The following MORF4L2 variants were observed in gnomAD, a reference collection of about 807,000 sequenced individuals.
MORF4L2 encodes mortality factor 4-like protein 2.
Under a neutral mutation model 12.0 loss-of-function variants are expected in MORF4L2, and 1 was observed. The ratio of observed to expected loss-of-function variants is 0.08; its 90% CI spans 0.03 to 0.40. The LOEUF is 0.40. Ranked by LOEUF, MORF4L2 falls within the 10% of genes least tolerant of loss-of-function variation. MORF4L2 has a pLI of 0.98. For missense variants in MORF4L2, 123 were observed against 214.0 expected, an observed-to-expected ratio of 0.57 and a Z score of 2.65; for synonymous variants, 69 against 81.6, an observed-to-expected ratio of 0.85 and a Z score of 0.83.
intron 2 of MORF4L2, among the ~76,000 whole-genome samples, chrX:103,682,853 T>C (rs2074016810): frequency 8.9e-6 from 1 of 112,105 alleles, no homozygotes; most frequent in African/African-American, 3.2e-5. Context: ...TTTTATGTCA[T>C]GCTTAAGGAA....
At position 103,685,198 on chromosome X, in the gene MORF4L2, T is replaced by A. The variant is rs1359787996; in HGVS notation, c.-205A>T. On this transcript the variant is annotated 5_prime_UTR_variant, in exon 2 of 4. Transcript: ENST00000441076. ...AAGATTCTGTAATCAGGGAAGGTTC[T>A]GCAATCAGGATCAGATCTCCTGATC... The A allele has an allele frequency of 8.9e-6, 1 of 112,332 alleles. No homozygotes were observed. Among genetic ancestry groups the A allele is most frequent in the African/African-American group, 3.2e-5 (1 of 30,863 alleles). The allele number at this position is 112,332 out of a possible 1,213,427, so 9.3% of individuals were successfully genotyped here. A position where few individuals can be genotyped will look rare whatever the true frequency, so the allele number is the denominator to read the frequency against.
rs750617764 is a variant in MORF4L2 at position 103,680,629 on chromosome X, G to A, written c.-177-1978C>T. On this transcript the variant is annotated intron_variant, in intron 2 of 3. Transcript: ENST00000441076. ...AGGTTGAGTATTCCTTATCCAAAAT[G>A]CTTGGGATGAGAAGTGTTTCAGATA... is the stretch of plus-strand genomic sequence containing the variant. Among the ~76,000 whole-genome samples, 96 of 112,847 alleles carry A rather than the reference G, an allele frequency of 8.5e-4. 1 individual carries two copies. In the Middle Eastern group the frequency reaches 0.014, roughly 16 times the overall value.
intron 2 of MORF4L2, among the ~76,000 whole-genome samples, chrX:103,683,519 T>C (rs759699243): frequency 4.1e-4 from 46 of 112,348 alleles, no homozygotes; most frequent in African/African-American, 1.5e-3. Flanking sequence ...CTAAGAATAT[T>C]TGATGCAGTA....
At chrX:103,679,860 C>CAAAAAAAAAAAAAAAAAAAA in intron 2 of MORF4L2, among the ~76,000 whole-genome samples, 1 of 47,735 alleles carries the variant, frequency 2.1e-5, no homozygotes, top group Non-Finnish European at 3.5e-5. Flanking sequence ...CACCTGTGGG[C>CAAAAAAAAAAAAAAAAAAAA]AAAAAAAAAA....
At chrX:103,679,913 C>T (rs192341456) in intron 2 of MORF4L2, among the ~76,000 whole-genome samples, 5 of 105,940 alleles carry the variant, frequency 4.7e-5, no homozygotes, top group African/African-American at 1.4e-4. Context: ...AGGCCGGGCA[C>T]GGTGGCTCAC....
At chrX:103,685,545 A>T (rs1400506251) in intron 1 of MORF4L2, 12 of 111,706 alleles carry the variant, frequency 1.1e-4, no homozygotes, top group African/African-American at 3.3e-4. Context: ...CGAATCCATC[A>T]TCCAGCTTTC....
At chrX:103,682,752 G>A (rs138718187) in intron 2 of MORF4L2, among the ~76,000 whole-genome samples, 1,147 of 111,295 alleles carry the variant, frequency 0.01, 14 homozygotes, top group African/African-American at 0.035. Context: ...TTTGTCTAAC[G>A]GTGTCTTACT....
At chrX:103,679,567 A>C (rs1213067948) in intron 2 of MORF4L2, among the ~76,000 whole-genome samples, 1 of 109,968 alleles carries the variant, frequency 9.1e-6, no homozygotes, top group Non-Finnish European at 1.9e-5. Context: ...ATTAGTGTGA[A>C]ATAGTTTTTA....
intron 2 of MORF4L2, among the ~76,000 whole-genome samples, chrX:103,679,479 C>T (rs1353028360): frequency 9.3e-6 from 1 of 108,062 alleles, no homozygotes; most frequent in Non-Finnish European, 1.9e-5. Flanking sequence ...AGATTGAGAT[C>T]GTACCACTGC....
intron 2 of MORF4L2, among the ~76,000 whole-genome samples, chrX:103,684,266 A>T (rs2074049436): frequency 1.0e-5 from 1 of 100,490 alleles, no homozygotes; most frequent in African/African-American, 3.7e-5. Context: ...CATTTCCATT[A>T]CATGTAATAG....
At chrX:103,685,615 C>G (rs868487461) in intron 1 of MORF4L2, 1 of 109,441 alleles carries the variant, frequency 9.1e-6, no homozygotes, top group Non-Finnish European at 1.9e-5. Context: ...TGCTCCCCCC[C>G]ACCCCCGACT....
chrX:103,676,119 T>C lies in MORF4L2; in HGVS notation c.*42A>G, dbSNP rs778084077. On this transcript the variant is annotated 3_prime_UTR_variant, in exon 4 of 4. Coordinates refer to ENST00000441076, the MANE Select transcript of MORF4L2 (RefSeq NM_012286.3). Reference sequence around the variant, plus strand: ...AGAAAAAGACTAAGAACAAAAAGTGTTTACAGATACAGGACAAAAATGGTG... The same window carrying C: ...AGAAAAAGACTAAGAACAAAAAGTGCTTACAGATACAGGACAAAAATGGTG... 6.2e-6 allele frequency: 7 copies of C among 1,130,084 alleles called. No homozygotes were observed. Among genetic ancestry groups the C allele is most frequent in the Non-Finnish European group, 8.2e-6 (7 of 853,968 alleles). 93.1% of individuals were successfully genotyped at this position (1,130,084 alleles called of 1,213,427 possible).
intron 2 of MORF4L2, among the ~76,000 whole-genome samples, chrX:103,679,672 T>C (rs907887147): frequency 3.7e-5 from 4 of 109,138 alleles, no homozygotes; most frequent in African/African-American, 6.7e-5. Context: ...CCTGTTAAAA[T>C]CAGGGTAACC....
intron 2 of MORF4L2, among the ~76,000 whole-genome samples, chrX:103,679,901 C>T (rs375007443): frequency 1.8e-5 from 1 of 55,828 alleles, no homozygotes; most frequent in Non-Finnish European, 3.6e-5. Flanking sequence ...GAAAAGAAAA[C>T]AAGGCCGGGC....
chrX:103,677,469 C>T (rs1325432966), intron 3 of MORF4L2, among the ~76,000 whole-genome samples: 8 of 112,058 alleles, frequency 7.1e-5, no homozygotes. Flanking sequence ...AGTAAAGGTT[C>T]TTGTATTAGT....
chrX:103,680,076 C>T (rs1406755063), intron 2 of MORF4L2, among the ~76,000 whole-genome samples: 1 of 111,124 alleles, frequency 9.0e-6, no homozygotes, highest in Non-Finnish European at 1.9e-5. Flanking sequence ...ATCCCAGCTA[C>T]TTGGGAGGCT....
At chrX:103,684,983 AG>A (rs944989545) in intron 2 of MORF4L2, 187 bp downstream of exon 2, 3 of 112,815 alleles carry the variant, frequency 2.7e-5, no homozygotes, top group African/African-American at 9.7e-5. Context: ...AAGATTACAA[AG>A]CCCTCTGTTG....
chrX:103,687,422 G>C (rs1190462445), upstream of MORF4L2: 1 of 112,332 alleles, frequency 8.9e-6, no homozygotes, highest in Non-Finnish European at 1.9e-5. Context: ...GTTGCTGTGT[G>C]AGCGGCCCTC....
At chrX:103,680,165 G>A (rs2073956782) in intron 2 of MORF4L2, among the ~76,000 whole-genome samples, 1 of 112,290 alleles carries the variant, frequency 8.9e-6, no homozygotes, top group Non-Finnish European at 1.9e-5. Flanking sequence ...TCCAGCCTGG[G>A]TGACAGTGAG....
Sources: allele counts gnomAD v4.1 joint callset (sites outside exome capture counted in the v4.1 genomes callset), GRCh38; gene constraint gnomAD v4.1.1; transcripts MANE v1.5; gene names NCBI Gene and HGNC (gene_info 2026-07-23, HGNC 2026-07-21).